ATXN8OS: variants seen among roughly 807,000 people sequenced by gnomAD.
ATXN8OS encodes ATXN8 opposite strand lncRNA.
chr13:70,153,014 C>CTGTGTGTGTGTGTGTGTGTG (rs66574752), intron 4 of ATXN8OS, among the ~76,000 whole-genome samples: 1 of 141,708 alleles, frequency 7.1e-6, no homozygotes, highest in Admixed American at 7.1e-5. Context: ...TAAGAAAAAA[C>CTGTGTGTGTGTGTGTGTGTG]TGTGTGTGTG....
intron 4 of ATXN8OS, among the ~76,000 whole-genome samples, chr13:70,167,802 C>T (rs1889096338): frequency 7.4e-6 from 1 of 134,248 alleles, no homozygotes; most frequent in South Asian, 2.4e-4. Flanking sequence ...GTGGCGCGAT[C>T]TCGGCTCACT....
chr13:70,153,730 A>C (rs1319256644), intron 4 of ATXN8OS, among the ~76,000 whole-genome samples: 1 of 152,050 alleles, frequency 6.6e-6, no homozygotes, highest in East Asian at 1.9e-4. Context: ...CCTAGGCTGG[A>C]GTGCAGGGGC....
At chr13:70,113,583 A>G (rs1033717189) in intron 1 of ATXN8OS, among the ~76,000 whole-genome samples, 11 of 152,178 alleles carry the variant, frequency 7.2e-5, no homozygotes, top group African/African-American at 2.4e-4. Flanking sequence ...TAAAATAGTA[A>G]GATTATAGTT....
intron 2 of ATXN8OS, among the ~76,000 whole-genome samples, chr13:70,120,125 CT>C (rs1443860064): frequency 6.6e-6 from 1 of 152,038 alleles, no homozygotes; most frequent in Admixed American, 6.6e-5. Context: ...GCAATTTTTT[CT>C]TGTTATTTTA....
intron 1 of ATXN8OS, chr13:70,108,332 C>T (rs1888129295): frequency 3.4e-6 from 1 of 296,762 alleles, no homozygotes; most frequent in Non-Finnish European, 6.1e-6. Flanking sequence ...TTGCTTTCTG[C>T]AATGCCAGAA....
chr13:70,148,089 CAT>C (rs1888811916), intron 4 of ATXN8OS, among the ~76,000 whole-genome samples: 1 of 151,984 alleles, frequency 6.6e-6, no homozygotes, highest in South Asian at 2.1e-4. Flanking sequence ...AGGTTCTTAT[CAT>C]GTGAAGGAAG....
intron 2 of ATXN8OS, among the ~76,000 whole-genome samples, chr13:70,122,638 G>A (rs1459538534): frequency 1.3e-5 from 2 of 151,856 alleles, no homozygotes; most frequent in African/African-American, 4.8e-5. Context: ...ATAAATATTT[G>A]TACATTTTTA....
chr13:70,109,732 C>T (rs1330542594), intron 1 of ATXN8OS, among the ~76,000 whole-genome samples: 2 of 151,990 alleles, frequency 1.3e-5, no homozygotes, highest in African/African-American at 2.4e-5. Flanking sequence ...CCTTTAAAGC[C>T]AACAATGGTG....
intron 2 of ATXN8OS, among the ~76,000 whole-genome samples, chr13:70,125,185 A>G (rs1280182219): frequency 6.6e-6 from 1 of 152,080 alleles, no homozygotes; most frequent in Non-Finnish European, 1.5e-5. Context: ...ATCCTCTGCT[A>G]TTTCTCAATA....
intron 3 of ATXN8OS, among the ~76,000 whole-genome samples, chr13:70,139,083 G>A (rs996230489): frequency 8.5e-5 from 13 of 152,084 alleles, no homozygotes; most frequent in African/African-American, 2.9e-4. Context: ...AGTATGAGAA[G>A]TACCTATCAT....
At chr13:70,117,965 A>G (rs1049039104) in intron 2 of ATXN8OS, among the ~76,000 whole-genome samples, 1 of 152,126 alleles carries the variant, frequency 6.6e-6, no homozygotes, top group African/African-American at 2.4e-5. Context: ...CACAACATAG[A>G]ATCACTGATT....
intron 2 of ATXN8OS, among the ~76,000 whole-genome samples, chr13:70,117,059 C>T (rs1888289428): frequency 1.3e-5 from 2 of 151,976 alleles, no homozygotes; most frequent in South Asian, 4.1e-4. Context: ...ATATTTTACC[C>T]TGATTTACAA....
chr13:70,128,795 G>C (rs1307210090), intron 2 of ATXN8OS, among the ~76,000 whole-genome samples: 1 of 151,674 alleles, frequency 6.6e-6, no homozygotes. Context: ...TATCTTATGT[G>C]TATGAAATAT....
intron 3 of ATXN8OS, among the ~76,000 whole-genome samples, chr13:70,132,858 AT>A (rs71196273): frequency 1.9e-4 from 27 of 138,944 alleles, no homozygotes; most frequent in Middle Eastern, 3.8e-3. Flanking sequence ...ACTAAAGTCT[AT>A]TTTTTTTTTT....
At chr13:70,107,769 C>G, upstream of ATXN8OS, 2 of 1,230,730 alleles carry the variant, frequency 1.6e-6, no homozygotes, top group East Asian at 2.5e-5. Flanking sequence ...TGGGGGAGGA[C>G]AGCGGGGCCC....
intron 4 of ATXN8OS, among the ~76,000 whole-genome samples, chr13:70,159,473 TC>T (rs1251077004): frequency 7.9e-5 from 12 of 152,172 alleles, no homozygotes; most frequent in Admixed American, 7.9e-4. Context: ...AATATGATAT[TC>T]TTTTTGGTTT....
At chr13:70,161,062 G>T (rs1316236988) in intron 4 of ATXN8OS, among the ~76,000 whole-genome samples, 1 of 151,114 alleles carries the variant, frequency 6.6e-6, no homozygotes, top group Non-Finnish European at 1.5e-5. Flanking sequence ...GAATTTACTT[G>T]CTATGAACTT....
At chr13:70,108,120 T>C in intron 1 of ATXN8OS, 1 of 406,956 alleles carries the variant, frequency 2.5e-6, no homozygotes, top group Non-Finnish European at 4.3e-6. Flanking sequence ...TGGGATGCGC[T>C]TGTGGCAGAG....
intron 3 of ATXN8OS, among the ~76,000 whole-genome samples, chr13:70,138,724 C>G (rs568802276): frequency 7.2e-5 from 11 of 152,026 alleles, no homozygotes; most frequent in Non-Finnish European, 1.6e-4. Flanking sequence ...TCTATACTTT[C>G]TATATTTATA....
Sources: allele counts gnomAD v4.1 joint callset (sites outside exome capture counted in the v4.1 genomes callset), GRCh38; gene constraint gnomAD v4.1.1; transcripts MANE v1.5; gene names NCBI Gene and HGNC (gene_info 2026-07-23, HGNC 2026-07-21).